Variants in BCL11B observed in about 807,000 individuals in gnomAD.
BCL11B encodes the protein B-cell lymphoma/leukemia 11B.
A neutral mutation model predicts 49.9 loss-of-function variants in BCL11B; 8 were observed. The ratio of observed to expected loss-of-function variants is 0.16; its 90% confidence interval spans 0.09 to 0.29. BCL11B has a LOEUF of 0.29. Among genes scored for constraint, BCL11B ranks in the 10% least tolerant of loss-of-function variants. The probability of loss-of-function intolerance (pLI) is 1.00; values close to 1 mark genes in which losing one functional copy is unlikely to be tolerated. For synonymous variants in BCL11B, 739 were observed against 637.4 expected, an observed-to-expected ratio of 1.16 and a Z score of -2.40; for missense variants, 1,006 against 1,351.0, an observed-to-expected ratio of 0.74 and a Z score of 4.00.
intron 1 of BCL11B, among the ~76,000 whole-genome samples, chr14:99,270,685 G>A (rs1396944926): frequency 4.0e-5 from 6 of 151,156 alleles, no homozygotes; most frequent in African/African-American, 1.5e-4. Context: ...AACGCACCCC[G>A]CTCTCCTCCG....
chr14:99,204,082 G>A (rs1887464576), intron 3 of BCL11B, among the ~76,000 whole-genome samples: 1 of 152,154 alleles, frequency 6.6e-6, no homozygotes, highest in Admixed American at 6.5e-5. Context: ...TGAAGCATGG[G>A]CATTCTCCCT....
chr14:99,233,282 G>A (rs914138430), intron 2 of BCL11B, among the ~76,000 whole-genome samples: 2 of 152,046 alleles, frequency 1.3e-5, no homozygotes, highest in African/African-American at 4.8e-5. Flanking sequence ...CAGCCACCTC[G>A]CTCAGAAAAG....
In BCL11B at chr14:99,175,809, T is replaced by C; in HGVS notation, c.1027A>G (p.Ser343Gly). The C allele has an allele frequency of 6.8e-7, 1 of 1,473,454 alleles. No homozygotes were observed. The highest frequency in any genetic ancestry group is 8.9e-7 in the Non-Finnish European group (1 of 1,120,546). The allele number at this position is 1,473,454 out of a possible 1,614,324, so 91.3% of individuals were successfully genotyped here. The part of the protein sequence containing the change: ...EEMGLVAQHP[S>G]AFDRVMRLNP... The stretch of plus-strand genomic sequence containing the variant: ...AGGCGCATGACTCGGTCGAAGGCAC[T>C]GGGGTGCTGGGCGACGAGCCCCATC... The change falls in exon 4 of 4, where the codon AGT becomes GGT. Residue 343 changes from serine to glycine, a missense_variant. By Grantham distance (56) the Ser-to-Gly change is moderately conservative. Coordinates refer to ENST00000357195, the MANE Select transcript of BCL11B (RefSeq NM_138576.4).
intron 3 of BCL11B, among the ~76,000 whole-genome samples, chr14:99,187,430 T>C (rs1464653252): frequency 6.6e-6 from 1 of 152,154 alleles, no homozygotes; most frequent in Non-Finnish European, 1.5e-5. Flanking sequence ...AAATCTGCTT[T>C]CTGTGAACTT....
At chr14:99,211,620 C>G (rs991643405) in intron 3 of BCL11B, among the ~76,000 whole-genome samples, 2 of 152,192 alleles carry the variant, frequency 1.3e-5, no homozygotes, top group African/African-American at 4.8e-5. Context: ...TGCACAAACA[C>G]ACGTGCACAC....
At chr14:99,265,136 G>A (rs772616882) in intron 1 of BCL11B, among the ~76,000 whole-genome samples, 4 of 152,292 alleles carry the variant, frequency 2.6e-5, no homozygotes, top group Middle Eastern at 3.4e-3. Context: ...GCATACTCAC[G>A]GCAGCTGGAT....
chr14:99,225,535 C>T (rs1312583416), intron 3 of BCL11B, among the ~76,000 whole-genome samples: 1 of 152,154 alleles, frequency 6.6e-6, no homozygotes, highest in East Asian at 1.9e-4. Context: ...AGCGCTGCAT[C>T]CAGCACTGCA....
At chr14:99,270,634 G>C (rs1889641425) in intron 1 of BCL11B, among the ~76,000 whole-genome samples, 1 of 151,940 alleles carries the variant, frequency 6.6e-6, no homozygotes, top group Non-Finnish European at 1.5e-5. Flanking sequence ...CGGGGACCCG[G>C]AGCCGGCGGC....
At chr14:99,264,803 G>T (rs984436121) in intron 1 of BCL11B, 3 of 152,170 alleles carry the variant, frequency 2.0e-5, no homozygotes, top group African/African-American at 7.2e-5. Flanking sequence ...GAAGACGCAA[G>T]AAATGTGTCC....
chr14:99,237,236 CTT>C (rs56991081), intron 2 of BCL11B, among the ~76,000 whole-genome samples: 48 of 132,724 alleles, frequency 3.6e-4, no homozygotes, highest in African/African-American at 6.7e-4. Context: ...CTTTTTTTTT[CTT>C]TTTTTTTTTT....
At chr14:99,235,507 G>T (rs1186222990) in intron 2 of BCL11B, among the ~76,000 whole-genome samples, 2 of 152,120 alleles carry the variant, frequency 1.3e-5, no homozygotes, top group East Asian at 3.8e-4. Flanking sequence ...AATTAACATG[G>T]CTTCATATGC....
chr14:99,234,810 C>T (rs1018346874), intron 2 of BCL11B, among the ~76,000 whole-genome samples: 10 of 140,582 alleles, frequency 7.1e-5, no homozygotes, highest in African/African-American at 2.7e-4. Flanking sequence ...CTGCAAAGAC[C>T]TGCAAGACAC....
intron 2 of BCL11B, among the ~76,000 whole-genome samples, chr14:99,246,608 A>G (rs11624408): frequency 0.34 from 51,027 of 152,176 alleles, 9,711 homozygotes; most frequent in Non-Finnish European, 0.44. Context: ...CGGGAGATGC[A>G]GCCGCCCCCG....
rs949985971 is a variant in BCL11B at position 99,271,776 on chromosome 14, G to GA, written c.-559dup. Among the ~76,000 whole-genome samples the GA allele has an allele frequency of 2.1e-3, 301 of 146,276 alleles. 3 individuals carry two copies. Among genetic ancestry groups the GA allele is most frequent in the African/African-American group, 7.2e-3 (288 of 39,892 alleles). The stretch of plus-strand genomic sequence containing the variant: ...AAAAATAAAAGAAGAAAAAGCAAAG[G>GA]AAAAAAAAAAGCAAAGAAAACTTGG... On this transcript the variant is annotated 5_prime_UTR_variant, in exon 1 of 4. Transcript: ENST00000357195.
At chr14:99,214,474 C>T (rs531194846) in intron 3 of BCL11B, among the ~76,000 whole-genome samples, 110 of 151,818 alleles carry the variant, frequency 7.2e-4, no homozygotes, top group African/African-American at 2.6e-3. Flanking sequence ...AGGAGGATCA[C>T]TTGAGCCCAG....
chr14:99,218,371 C>T (rs1372386038), intron 3 of BCL11B, among the ~76,000 whole-genome samples: 3 of 151,656 alleles, frequency 2.0e-5, no homozygotes, highest in Admixed American at 6.6e-5. Context: ...TGAGCCACTG[C>T]GCCCGGCCAC....
At position 99,213,233 on chromosome 14, in the gene BCL11B, C is replaced by T. The variant is rs1225433792; in HGVS notation, c.640+18112G>A. Among the ~76,000 whole-genome samples the T allele has an allele frequency of 2.0e-5, 3 of 152,128 alleles. No individual in the cohort carries two copies. The highest frequency in any genetic ancestry group is 4.4e-5 in the Non-Finnish European group (3 of 68,024). On this transcript the variant is annotated intron_variant, in intron 3 of 3. Coordinates refer to ENST00000357195, the MANE Select transcript of BCL11B (RefSeq NM_138576.4). This position sits in a 1 kb window ranked among gnomAD's most constrained non-coding sequence, Gnocchi z 5.1. Reference sequence around the variant, plus strand: ...GAGCCCCTGGAATGAAGAAGGGAGCCCCGGAGGCTCGGCCGACCTGGGTGT... The same window carrying T: ...GAGCCCCTGGAATGAAGAAGGGAGCTCCGGAGGCTCGGCCGACCTGGGTGT...
chr14:99,199,072 G>A (rs548502016), intron 3 of BCL11B, among the ~76,000 whole-genome samples: 10 of 152,164 alleles, frequency 6.6e-5, no homozygotes, highest in East Asian at 5.8e-4. Context: ...ATACTTTTGC[G>A]ATACTTGTCC....
In BCL11B at chr14:99,232,643, G is replaced by C. The variant is rs1281224245; in HGVS notation, c.428-1086C>G. Among the ~76,000 whole-genome samples the C allele has an allele frequency of 9.2e-5, 14 of 152,174 alleles. No homozygotes were observed. On this transcript the variant is annotated intron_variant, in intron 2 of 3. Transcript: ENST00000357195. This position sits in a 1 kb window ranked among gnomAD's most constrained non-coding sequence, Gnocchi z 5.1. ...AGCCACAGGACCCTGCAAGCCACCA[G>C]GAGCCAGGAGCCTGTCAGTCTTCAT... is the stretch of plus-strand genomic sequence containing the variant.
Sources: allele counts gnomAD v4.1 joint callset (sites outside exome capture counted in the v4.1 genomes callset), GRCh38; gene constraint gnomAD v4.1.1; non-coding constraint Gnocchi (gnomAD v3.1); transcripts MANE v1.5; gene names NCBI Gene and HGNC (gene_info 2026-07-23, HGNC 2026-07-21).